The following TTC23L variants were observed in gnomAD, a reference collection of about 807,000 sequenced individuals.
TTC23L encodes tetratricopeptide repeat domain 23 like, also known as tetratricopeptide repeat protein 23-like.
A neutral mutation model predicts 48.1 loss-of-function variants in TTC23L; 42 were observed. The observed-to-expected ratio is 0.87, with a 90% CI of 0.68 to 1.13. The LOEUF is 1.13. TTC23L is among the 50% of genes most tolerant of loss of function. TTC23L has a pLI of 0.00. For synonymous variants in TTC23L, 159 were observed against 157.2 expected (o/e 1.01, Z -0.09); for missense variants, 391 against 421.0 (o/e 0.93, Z 0.62).
At chr5:34,845,092 A>G (rs1377925174) in intron 2 of TTC23L, among the ~76,000 whole-genome samples, 1 of 152,214 alleles carries the variant, frequency 6.6e-6, no homozygotes, top group Admixed American at 6.5e-5. Context: ...CCTGGAGCTA[A>G]TGATATACTA....
chr5:34,923,605 C>G, the TTC23L span, among the ~76,000 whole-genome samples: 1 of 151,970 alleles, frequency 6.6e-6, no homozygotes, highest in Non-Finnish European at 1.5e-5. Flanking sequence ...GATAGAGTGT[C>G]GCAGTGTTGC....
At position 34,847,622 on chromosome 5, in the gene TTC23L, C is replaced by T. The variant is rs116694077; in HGVS notation, c.255+1949C>T. Among the ~76,000 whole-genome samples, 1,504 of 152,090 alleles carry T rather than the reference C, an allele frequency of 9.9e-3. 10 individuals are homozygous for T. The highest frequency in any genetic ancestry group is 0.018 in the African/African-American group (743 of 41,460). ...CCCGGTTTCTCCAAGTCAAGGAGTT[C>T]GAGGATGAATATACAATGTCCAGAG... is the stretch of plus-strand genomic sequence containing the variant. On this transcript the variant is annotated intron_variant, in intron 3 of 10. Transcript: ENST00000505624.
At chr5:34,909,012 TA>T in the TTC23L span, 1 of 1,371,890 alleles carries the variant, frequency 7.3e-7, no homozygotes, top group Non-Finnish European at 1.0e-6. Flanking sequence ...AACTCCCAAG[TA>T]AAGGATAAAA....
In TTC23L at chr5:34,863,185, C is replaced by A; in HGVS notation, c.536+131C>A. 2 of 1,089,394 alleles carry A rather than the reference C, an allele frequency of 1.8e-6. No individual in the cohort carries two copies. The highest frequency in any genetic ancestry group is 2.7e-6 in the Non-Finnish European group (2 of 751,244). The allele number at this position is 1,089,394 out of a possible 1,614,324, so 67.5% of individuals were successfully genotyped here. A position where few individuals can be genotyped will look rare whatever the true frequency, so the allele number is the denominator to read the frequency against. Reference sequence around the variant, plus strand: ...GATCTGTTCCAACATCAAGGCCCTCCATGAGCCTCTCCTCTCCATCTAGAA... The same window carrying A: ...GATCTGTTCCAACATCAAGGCCCTCAATGAGCCTCTCCTCTCCATCTAGAA... On this transcript the variant is annotated intron_variant, in intron 5 of 10. Coordinates refer to ENST00000505624, the Ensembl canonical transcript of TTC23L. The surrounding 1 kb of genome is among the most constrained non-coding windows in gnomAD (Gnocchi z 4.1).
At chr5:34,914,720 CACTTT>C in the TTC23L span, 789 of 1,614,226 alleles carry the variant, frequency 4.9e-4, no homozygotes, top group Non-Finnish European at 6.6e-4. Context: ...TGCTTGCACA[CACTTT>C]GCATTTTCCA....
intron 2 of TTC23L, among the ~76,000 whole-genome samples, chr5:34,841,435 AGAT>A (rs1758663566): frequency 1.3e-5 from 2 of 152,194 alleles, no homozygotes; most frequent in Non-Finnish European, 2.9e-5. Flanking sequence ...TGAATCAAAG[AGAT>A]GTTAGGGAGT....
the TTC23L span, chr5:34,916,240 T>C: frequency 5.4e-6 from 1 of 185,832 alleles, no homozygotes; most frequent in South Asian, 1.3e-4. Context: ...TATTTCTCGC[T>C]ATTATTTCTC....
Position 34,840,740 on chromosome 5 carries a change from G to A in TTC23L, c.68+1G>A. On this transcript the variant is annotated splice_donor_variant, in intron 2 of 10. Coordinates refer to ENST00000505624, the Ensembl canonical transcript of TTC23L. LOFTEE classifies it high-confidence loss of function. ...TCGACTGGGATTTCTGCTTCCATAT[G>A]TAAGTATCACAGCATTTTGACATCA... The A allele has an allele frequency of 6.2e-7, 1 of 1,613,244 alleles. No individual in the cohort carries two copies. The highest frequency in any genetic ancestry group is 1.1e-5 in the South Asian group (1 of 91,024).
chr5:34,919,865 G>T, the TTC23L span: 1 of 1,196,366 alleles, frequency 8.4e-7, no homozygotes, highest in Admixed American at 2.1e-5. Context: ...GTAAGGATAA[G>T]CTATTTGTGA....
At chr5:34,895,186 G>C (rs1200441075) in intron 9 of TTC23L, among the ~76,000 whole-genome samples, 2 of 152,106 alleles carry the variant, frequency 1.3e-5, no homozygotes, top group African/African-American at 4.8e-5. Flanking sequence ...AGTAGTTAAG[G>C]TCATAGACTA....
chr5:34,914,983 A>G, the TTC23L span: 2 of 1,404,220 alleles, frequency 1.4e-6, no homozygotes, highest in Non-Finnish European at 2.0e-6. Flanking sequence ...AGACAGTAAA[A>G]CTCCCATCAG....
chr5:34,872,418 G>A (rs569523024), intron 8 of TTC23L, among the ~76,000 whole-genome samples: 1 of 152,302 alleles, frequency 6.6e-6, no homozygotes, highest in Non-Finnish European at 1.5e-5. Flanking sequence ...CACCAGGATT[G>A]ATGAGATTTG....
At chr5:34,885,365 T>C (rs1225326227) in intron 9 of TTC23L, among the ~76,000 whole-genome samples, 3 of 152,212 alleles carry the variant, frequency 2.0e-5, no homozygotes, top group African/African-American at 7.2e-5. Context: ...AACGCTGTTG[T>C]ATTGATGTAA....
At chr5:34,900,794 G>A (rs1055284682), downstream of TTC23L, among the ~76,000 whole-genome samples, 12 of 152,178 alleles carry the variant, frequency 7.9e-5, no homozygotes, top group Admixed American at 6.5e-4. Flanking sequence ...TAAGAATCTC[G>A]AGAGAGTACT....
At chr5:34,919,860 G>T in the TTC23L span, 1 of 1,189,072 alleles carries the variant, frequency 8.4e-7, no homozygotes. Context: ...GGATCGTAAG[G>T]ATAAGCTATT....
chr5:34,871,322 C>T (rs541696218), intron 8 of TTC23L, among the ~76,000 whole-genome samples: 5 of 147,942 alleles, frequency 3.4e-5, no homozygotes, highest in Non-Finnish European at 6.1e-5. Context: ...AGCCCCATCC[C>T]TGCAAATGAA....
chr5:34,908,867 G>A, the TTC23L span: 1 of 1,612,944 alleles, frequency 6.2e-7, no homozygotes, highest in Non-Finnish European at 8.5e-7. Flanking sequence ...ATGAAAGGAA[G>A]CCTCTGTTAT....
At chr5:34,846,707 G>GTA (rs60691086) in intron 3 of TTC23L, among the ~76,000 whole-genome samples, 26,558 of 129,458 alleles carry the variant, frequency 0.21, 3,301 homozygotes, top group South Asian at 0.27. Flanking sequence ...GTGTGTGTGT[G>GTA]TATCCATCCT....
At chr5:34,917,042 A>G in the TTC23L span, among the ~76,000 whole-genome samples, 182 of 152,322 alleles carry the variant, frequency 1.2e-3, no homozygotes, top group African/African-American at 4.2e-3. Context: ...CCCTAGTATA[A>G]TAAGATAAAG....
Sources: allele counts gnomAD v4.1 joint callset (sites outside exome capture counted in the v4.1 genomes callset), GRCh38; gene constraint gnomAD v4.1.1; non-coding constraint Gnocchi (gnomAD v3.1); transcripts MANE v1.5; gene names NCBI Gene and HGNC (gene_info 2026-07-23, HGNC 2026-07-21).